ERC2: variants seen among roughly 807,000 people sequenced by gnomAD.
ERC2 encodes the protein ELKS/RAB6-interacting/CAST family member 2, also known as ERC protein 2.
Under a neutral mutation model 114.8 loss-of-function variants are expected in ERC2, and 42 were observed. The ratio of observed to expected loss-of-function variants is 0.37; its 90% CI spans 0.29 to 0.47. The LOEUF is 0.47. Among genes scored for constraint, ERC2 ranks in the 20% least tolerant of loss-of-function variants. ERC2 has a pLI of 0.99. For missense variants in ERC2, 939 were observed against 1,150.7 expected (o/e 0.82, Z 2.66); for synonymous variants, 454 against 425.5 (o/e 1.07, Z -0.82).
chr3:55,790,877 C>T (rs1010814285), intron 14 of ERC2, among the ~76,000 whole-genome samples: 2 of 152,174 alleles, frequency 1.3e-5, no homozygotes, highest in Non-Finnish European at 2.9e-5. Context: ...GACTCAAAGG[C>T]AATACAGAGC....
intron 13 of ERC2, among the ~76,000 whole-genome samples, chr3:55,890,898 T>C (rs553852930): frequency 1.3e-5 from 2 of 152,352 alleles, no homozygotes; most frequent in East Asian, 3.9e-4. Flanking sequence ...GCATGACCAC[T>C]GCTTCTCTCT....
chr3:56,119,898 G>A (rs990894382), intron 6 of ERC2, among the ~76,000 whole-genome samples: 1 of 152,142 alleles, frequency 6.6e-6, no homozygotes, highest in African/African-American at 2.4e-5. Flanking sequence ...ATACCCCACT[G>A]CCTCCCAGGG....
intron 11 of ERC2, among the ~76,000 whole-genome samples, chr3:55,990,133 T>C (rs1022628080): frequency 6.6e-6 from 1 of 152,146 alleles, no homozygotes; most frequent in African/African-American, 2.4e-5. Context: ...CCATCTAAAA[T>C]CACAGTGCTC....
intron 6 of ERC2, 107 bp downstream of exon 6, chr3:56,139,402 G>T: frequency 2.9e-6 from 3 of 1,042,336 alleles, no homozygotes. Context: ...AAATACATCT[G>T]GCCCCAAGGG....
intron 4 of ERC2, among the ~76,000 whole-genome samples, chr3:56,157,636 C>T (rs111312598): frequency 1.3e-5 from 2 of 152,154 alleles, no homozygotes; most frequent in Non-Finnish European, 2.9e-5. Context: ...GCAAGCTGAA[C>T]TTGCTCTTCC....
chr3:55,893,517 C>T (rs983142703), intron 13 of ERC2, among the ~76,000 whole-genome samples: 1 of 152,078 alleles, frequency 6.6e-6, no homozygotes, highest in Non-Finnish European at 1.5e-5. Context: ...TGAGGATGAC[C>T]AAAAGCCAAC....
intron 15 of ERC2, among the ~76,000 whole-genome samples, chr3:55,701,946 C>A (rs1247277189): frequency 6.6e-6 from 1 of 152,168 alleles, no homozygotes; most frequent in East Asian, 1.9e-4. Context: ...GGAAGGGACT[C>A]GCTCAAGAAT....
intron 1 of ERC2, among the ~76,000 whole-genome samples, chr3:56,437,222 G>A (rs972481841): frequency 1.3e-5 from 2 of 152,188 alleles, no homozygotes; most frequent in Non-Finnish European, 2.9e-5. Context: ...TGCAAGATGA[G>A]AAATATAAAA....
At chr3:55,938,742 A>G (rs1256141393) in intron 13 of ERC2, among the ~76,000 whole-genome samples, 1 of 152,222 alleles carries the variant, frequency 6.6e-6, no homozygotes, top group Non-Finnish European at 1.5e-5. Flanking sequence ...TGACACAGGG[A>G]CGCTCTGTGC....
At chr3:55,515,403 T>C (rs1381716712) in intron 17 of ERC2, among the ~76,000 whole-genome samples, 1 of 152,154 alleles carries the variant, frequency 6.6e-6, no homozygotes, top group Non-Finnish European at 1.5e-5. Context: ...AGTCTCTCTC[T>C]GTTGTCCAGG....
At chr3:56,174,903 G>C (rs1330200662) in intron 3 of ERC2, among the ~76,000 whole-genome samples, 1 of 151,394 alleles carries the variant, frequency 6.6e-6, no homozygotes, top group Admixed American at 6.6e-5. Flanking sequence ...CCTTGAACCA[G>C]GGAAACAGAG....
chr3:55,699,931 A>G (rs560546577), intron 15 of ERC2, among the ~76,000 whole-genome samples: 12 of 152,292 alleles, frequency 7.9e-5, no homozygotes, highest in African/African-American at 1.7e-4. Context: ...GGCTGGGTAG[A>G]AACACAGAAC....
chr3:55,852,175 G>A (rs547247530), intron 14 of ERC2, among the ~76,000 whole-genome samples: 9 of 152,178 alleles, frequency 5.9e-5, no homozygotes, highest in African/African-American at 2.2e-4. Flanking sequence ...AACTGAGATC[G>A]CACCACTACA....
chr3:56,214,271 G>C (rs1307393290), intron 3 of ERC2, among the ~76,000 whole-genome samples: 1 of 152,056 alleles, frequency 6.6e-6, no homozygotes, highest in Admixed American at 6.6e-5. Flanking sequence ...TGGATAACTA[G>C]AATAACCAAT....
intron 1 of ERC2, among the ~76,000 whole-genome samples, chr3:56,440,903 A>C (rs2062272830): frequency 6.6e-6 from 1 of 152,220 alleles, no homozygotes; most frequent in African/African-American, 2.4e-5. Context: ...TGAGCCTCCA[A>C]AGATGGCCAT....
chr3:56,009,218 T>A lies in ERC2; in HGVS notation c.1920+1231A>T, dbSNP rs540340248. ...AATAACACTTGCAACCGGTGAAGAA[T>A]GCTATAAACAAAGTCAAAGCTTCCA... On this transcript the variant is annotated intron_variant, in intron 9 of 17. Transcript: ENST00000288221. 5.3e-5 allele frequency among the ~76,000 whole-genome samples: 8 copies of A among 152,318 alleles called. 1 individual carries two copies. The South Asian group carries it at 1.7e-3, about 32-fold the overall frequency.
intron 2 of ERC2, among the ~76,000 whole-genome samples, chr3:56,425,176 C>A (rs1212541026): frequency 6.6e-6 from 1 of 152,084 alleles, no homozygotes; most frequent in Non-Finnish European, 1.5e-5. Context: ...TCACAGAAAC[C>A]TCTTCTCACA....
Position 55,830,620 on chromosome 3 carries a change from C to T in ERC2, c.2564+57769G>A, listed in dbSNP as rs999891188. On this transcript the variant is annotated intron_variant, in intron 14 of 17. Coordinates refer to ENST00000288221, the MANE Select transcript of ERC2 (RefSeq NM_015576.3). ...TAAGTAGACTATGAAAGGTTAGGTA[C>T]CTGTATAGTAATCTCTAAAATAATC... 2.0e-5 allele frequency among the ~76,000 whole-genome samples: 3 copies of T among 152,184 alleles called. No individual in the cohort carries two copies. The South Asian group carries it at 6.2e-4, about 32-fold the overall frequency.
intron 3 of ERC2, among the ~76,000 whole-genome samples, chr3:56,232,832 T>G (rs915362876): frequency 1.3e-5 from 2 of 152,214 alleles, no homozygotes; most frequent in Non-Finnish European, 2.9e-5. Context: ...CTAGAATTCT[T>G]CAGTTCCTCA....
Sources: gnomAD v4.1 joint callset for allele counts (sites outside exome capture counted in the v4.1 genomes callset) on GRCh38, gnomAD v4.1.1 for gene constraint, MANE v1.5 for transcripts, NCBI Gene and HGNC (gene_info 2026-07-23, HGNC 2026-07-21) for gene names.